CSMD3: variants seen among roughly 807,000 people sequenced by gnomAD.
CSMD3 encodes the protein CUB and Sushi multiple domains 3.
Under a neutral mutation model 435.2 loss-of-function variants are expected in CSMD3, and 177 were observed. The ratio of observed to expected loss-of-function variants is 0.41; its 90% CI spans 0.36 to 0.46. The LOEUF (loss-of-function observed/expected upper bound fraction) is 0.46, where lower values mean the gene tolerates loss of function less well. Among genes scored for constraint, CSMD3 ranks in the 20% least tolerant of loss-of-function variants. The pLI, the probability that CSMD3 is intolerant of heterozygous loss-of-function variation, is 0.34. For missense variants in CSMD3, 4,265 were observed against 4,504.6 expected, an observed-to-expected ratio of 0.95 and a Z score of 1.52; for synonymous variants, 1,656 against 1,520.5, an observed-to-expected ratio of 1.09 and a Z score of -2.07.
At chr8:112,500,404 A>C (rs553539561) in intron 30 of CSMD3, among the ~76,000 whole-genome samples, 4 of 152,306 alleles carry the variant, frequency 2.6e-5, no homozygotes, top group African/African-American at 9.6e-5. Flanking sequence ...ACCACCTTAA[A>C]TCACTGGGTC....
chr8:112,383,810 T>A lies in CSMD3; in HGVS notation c.5935-147A>T, dbSNP rs911893550. ...TAGAAGGGTTTTTAACAGAACTGAT[T>A]TTTTCCATTATTGCACTGGCTTACA... On this transcript the variant is annotated intron_variant, in intron 36 of 70. Coordinates refer to ENST00000297405, the MANE Select transcript of CSMD3 (RefSeq NM_198123.2). The A allele has an allele frequency of 1.5e-5, 10 of 671,688 alleles. No homozygotes were observed. In the East Asian group the frequency reaches 1.9e-4, roughly 13 times the overall value. 41.6% of individuals were successfully genotyped at this position (671,688 alleles called of 1,614,324 possible).
rs780008287 is a variant in CSMD3 at position 112,310,845 on chromosome 8, T to A, written c.7885+133A>T. ...TATCATTCTGCAATGTTATGCCTTG[T>A]TTTTATGAAAAGAGTTCACAATATG... On this transcript the variant is annotated intron_variant, in intron 50 of 70. Coordinates refer to ENST00000297405, the MANE Select transcript of CSMD3 (RefSeq NM_198123.2). The A allele has an allele frequency of 6.5e-6, 5 of 766,004 alleles. No individual in the cohort carries two copies. The South Asian group carries it at 7.3e-5, about 11-fold the overall frequency. 47.5% of individuals were successfully genotyped at this position (766,004 alleles called of 1,614,324 possible).
chr8:112,806,460 A>C (rs1419769813), intron 12 of CSMD3, among the ~76,000 whole-genome samples: 1 of 152,208 alleles, frequency 6.6e-6, no homozygotes, highest in Non-Finnish European at 1.5e-5. Flanking sequence ...GCAGTCACTT[A>C]TATGCGCGTC....
At chr8:112,450,876 T>G (rs1268941820) in intron 32 of CSMD3, among the ~76,000 whole-genome samples, 1 of 152,188 alleles carries the variant, frequency 6.6e-6, no homozygotes, top group Non-Finnish European at 1.5e-5. Context: ...AAAATGTGCA[T>G]GCTCTCTGAT....
At chr8:112,722,718 A>C (rs1013988381) in intron 13 of CSMD3, among the ~76,000 whole-genome samples, 15 of 152,326 alleles carry the variant, frequency 9.8e-5, no homozygotes, top group Middle Eastern at 3.4e-3. Flanking sequence ...TGAAGGTTTT[A>C]AACTTTTCAA....
chr8:113,377,579 T>C (rs962723635), intron 1 of CSMD3, among the ~76,000 whole-genome samples: 1 of 152,142 alleles, frequency 6.6e-6, no homozygotes, highest in African/African-American at 2.4e-5. Flanking sequence ...AAGGTACACA[T>C]TTCAATTTTT....
chr8:112,775,541 A>T (rs1341728670), intron 13 of CSMD3, among the ~76,000 whole-genome samples: 2 of 151,900 alleles, frequency 1.3e-5, no homozygotes, highest in African/African-American at 4.8e-5. Context: ...CGTAGCAAAA[A>T]ATATTTTGGT....
intron 8 of CSMD3, among the ~76,000 whole-genome samples, chr8:112,952,316 T>C (rs572534109): frequency 1.5e-4 from 22 of 151,708 alleles, no homozygotes; most frequent in Admixed American, 1.4e-3. Flanking sequence ...GGGAATTTGA[T>C]GTCCTCCATG....
At chr8:112,356,495 G>A (rs1472782999) in intron 38 of CSMD3, among the ~76,000 whole-genome samples, 1 of 151,966 alleles carries the variant, frequency 6.6e-6, no homozygotes, top group East Asian at 1.9e-4. Context: ...AACAGACACT[G>A]GGGGTTACTT....
chr8:112,869,228 T>G (rs1445876510), intron 10 of CSMD3, among the ~76,000 whole-genome samples: 1 of 152,176 alleles, frequency 6.6e-6, no homozygotes, highest in East Asian at 1.9e-4. Context: ...AAGCACATTA[T>G]CTGTGTTTAT....
intron 5 of CSMD3, among the ~76,000 whole-genome samples, chr8:113,033,884 A>G (rs188492235): frequency 1.3e-5 from 2 of 151,480 alleles, no homozygotes; most frequent in Non-Finnish European, 3.0e-5. Flanking sequence ...TCATGGGGGC[A>G]GTTTCCTCCA....
intron 4 of CSMD3, among the ~76,000 whole-genome samples, chr8:113,146,025 G>T (rs2091665226): frequency 6.6e-6 from 1 of 151,462 alleles, no homozygotes; most frequent in Non-Finnish European, 1.5e-5. Context: ...TTTATGAGGA[G>T]AAAAGATGTT....
At chr8:113,004,746 A>G (rs1024649570) in intron 6 of CSMD3, among the ~76,000 whole-genome samples, 3 of 151,990 alleles carry the variant, frequency 2.0e-5, no homozygotes, top group Non-Finnish European at 2.9e-5. Context: ...TATGGAAAGT[A>G]GATAAATGAA....
chr8:112,315,492 T>G (rs1430886099), intron 47 of CSMD3, among the ~76,000 whole-genome samples: 1 of 151,866 alleles, frequency 6.6e-6, no homozygotes, highest in African/African-American at 2.4e-5. Context: ...AAAATTTTTT[T>G]GAAGTTCTGT....
intron 47 of CSMD3, among the ~76,000 whole-genome samples, chr8:112,317,951 C>T (rs1211802618): frequency 6.6e-6 from 1 of 152,052 alleles, no homozygotes; most frequent in Non-Finnish European, 1.5e-5. Context: ...TTGTATTCAA[C>T]TTAATCAACA....
intron 9 of CSMD3, among the ~76,000 whole-genome samples, chr8:112,937,647 G>A (rs866983568): frequency 5.3e-5 from 8 of 152,020 alleles, no homozygotes; most frequent in South Asian, 2.1e-4. Flanking sequence ...TACTGCCCCC[G>A]GCAGGTAATA....
chr8:113,048,180 C>T (rs2087924364), intron 5 of CSMD3, among the ~76,000 whole-genome samples: 1 of 150,836 alleles, frequency 6.6e-6, no homozygotes, highest in Admixed American at 6.6e-5. Flanking sequence ...GCAAGCTCCG[C>T]CTCCTAGGTT....
At chr8:112,594,892 A>G (rs1490957836) in intron 22 of CSMD3, among the ~76,000 whole-genome samples, 2 of 151,640 alleles carry the variant, frequency 1.3e-5, no homozygotes, top group Admixed American at 6.6e-5. Context: ...GACCAAAAGT[A>G]GATAAAACCA....
intron 5 of CSMD3, among the ~76,000 whole-genome samples, chr8:113,084,557 T>A (rs1254621764): frequency 6.8e-6 from 1 of 147,976 alleles, no homozygotes; most frequent in Non-Finnish European, 1.5e-5. Flanking sequence ...ATGGAATCTC[T>A]ATCAAAATAC....
Sources: gnomAD v4.1 joint callset for allele counts (sites outside exome capture counted in the v4.1 genomes callset) on GRCh38, gnomAD v4.1.1 for gene constraint, MANE v1.5 for transcripts, NCBI Gene and HGNC (gene_info 2026-07-23, HGNC 2026-07-21) for gene names.